Variants in FREM1 observed in about 807,000 individuals in gnomAD.
The protein encoded by FREM1 is FRAS1 related extracellular matrix 1.
A neutral mutation model predicts 210.1 loss-of-function variants in FREM1; 220 were observed. The observed-to-expected ratio is 1.05, with a 90% CI of 0.94 to 1.17. The LOEUF is 1.17. FREM1 is among the 50% of genes most tolerant of loss of function. The pLI is 0.00. For synonymous variants in FREM1, 1,189 were observed against 980.2 expected, an observed-to-expected ratio of 1.21 and a Z score of -3.98; for missense variants, 3,454 against 2,675.5, an observed-to-expected ratio of 1.29 and a Z score of -6.42.
At chr9:14,790,520 T>C (rs997714364) in intron 22 of FREM1, 2 of 152,160 alleles carry the variant, frequency 1.3e-5, no homozygotes, top group Non-Finnish European at 2.9e-5. Context: ...TCTAATCTTG[T>C]CTAAGGAAGT....
chr9:14,792,968 C>G, intron 21 of FREM1, 84 bp from the exon 22 acceptor site: 1 of 807,704 alleles, frequency 1.2e-6, no homozygotes, highest in Non-Finnish European at 1.9e-6. Flanking sequence ...TATCACAGTT[C>G]CCAATCTTCA....
intron 6 of FREM1, among the ~76,000 whole-genome samples, chr9:14,850,899 C>T (rs1827605648): frequency 6.6e-6 from 1 of 152,180 alleles, no homozygotes. Context: ...CGTTTCACTA[C>T]AAGTTTTAAT....
At chr9:14,796,960 T>C (rs1400813611) in intron 21 of FREM1, among the ~76,000 whole-genome samples, 1 of 152,158 alleles carries the variant, frequency 6.6e-6, no homozygotes, top group Non-Finnish European at 1.5e-5. Flanking sequence ...AAAATGATGA[T>C]TTCGATGTGA....
rs141323512 is a variant in FREM1 at position 14,870,248 on chromosome 9, T to C, written c.-267-1004A>G. On this transcript the variant is annotated intron_variant, in intron 1 of 36. Coordinates refer to ENST00000380880, the MANE Select transcript of FREM1 (RefSeq NM_001379081.2). ...GCCTCCATTATCCACATCTAATCTA[T>C]TTCCATTCCCTTGTCACTGTTTGCA... Among the ~76,000 whole-genome samples the C allele has an allele frequency of 1.5e-3, 229 of 152,334 alleles. 1 individual carries two copies. Among genetic ancestry groups the C allele is most frequent in the African/African-American group, 5.2e-3 (215 of 41,592 alleles).
chr9:14,813,184 A>C (rs1164587749), intron 15 of FREM1, 120 bp from the exon 16 acceptor site: 4 of 1,099,506 alleles, frequency 3.6e-6, no homozygotes, highest in Non-Finnish European at 5.1e-6. Flanking sequence ...CACATGAAAC[A>C]ACAGCCGTGA....
chr9:14,831,724 G>A (rs903517163), intron 10 of FREM1, among the ~76,000 whole-genome samples: 2 of 152,184 alleles, frequency 1.3e-5, no homozygotes, highest in Non-Finnish European at 2.9e-5. Flanking sequence ...ATTTTTCTTG[G>A]AATCTATTTT....
intron 16 of FREM1, among the ~76,000 whole-genome samples, chr9:14,811,652 G>T (rs755735926): frequency 6.6e-6 from 1 of 152,154 alleles, no homozygotes; most frequent in Non-Finnish European, 1.5e-5. Flanking sequence ...TGATTAAAAT[G>T]TCCCGAGACA....
chr9:14,840,976 CAG>C (rs1204027473), intron 10 of FREM1, among the ~76,000 whole-genome samples: 1 of 152,174 alleles, frequency 6.6e-6, no homozygotes, highest in Non-Finnish European at 1.5e-5. Flanking sequence ...AAAATGTTCT[CAG>C]TACTTTATAT....
At position 14,882,912 on chromosome 9, in the gene FREM1, CAA is replaced by C. The variant is rs71323913; in HGVS notation, c.-267-13670_-267-13669del. Among the ~76,000 whole-genome samples the C allele has an allele frequency of 3.3e-4, 15 of 45,416 alleles. 1 individual carries two copies. In the Admixed American group the frequency reaches 5.9e-3, roughly 18 times the overall value. 29.8% of individuals were successfully genotyped at this position (45,416 alleles called of 152,430 possible). Reference sequence around the variant, plus strand: ...AGGGCAGCAGAGCGAGACTCCATCTCAAAAAAAAAAAAAAAAGGAATCACCCA... The same window carrying C: ...AGGGCAGCAGAGCGAGACTCCATCTCAAAAAAAAAAAAAAGGAATCACCCA... On this transcript the variant is annotated intron_variant, in intron 1 of 36. Coordinates refer to ENST00000380880, the MANE Select transcript of FREM1 (RefSeq NM_001379081.2).
rs566418930 is a variant in FREM1 at position 14,850,496 on chromosome 9, C to T, written c.1152+788G>A. On this transcript the variant is annotated intron_variant, in intron 6 of 36. Transcript: ENST00000380880. ...AGAGAAGATTAGCATAGCCCCTGCA[C>T]AAGGATGACACACAAATTCGGAAAG... 2.0e-5 allele frequency: 3 copies of T among 152,234 alleles called. No homozygotes were observed. In the East Asian group the frequency reaches 5.8e-4, roughly 29 times the overall value. 9.4% of individuals were successfully genotyped at this position (152,234 alleles called of 1,614,324 possible). A position where few individuals can be genotyped will look rare whatever the true frequency, so the allele number is the denominator to read the frequency against.
intron 3 of FREM1, among the ~76,000 whole-genome samples, chr9:14,860,641 GTATACATATATACACATA>G (rs1194524397): frequency 3.8e-5 from 3 of 78,236 alleles, no homozygotes; most frequent in South Asian, 4.0e-4. Flanking sequence ...ATATACACAT[GTATACATATATACACATA>G]TATACATATA....
chr9:14,823,178 C>T lies in FREM1; in HGVS notation c.2319G>A (p.Val773=), dbSNP rs369251557. Residue 773 remains valine, a synonymous_variant, in exon 13 of 37, where the codon GTG becomes GTA. Transcript: ENST00000380880. The stretch of plus-strand genomic sequence containing the variant: ...TACATACCTCAGGAACTTGATTGTC[C>T]ACTGGGAGGATTGTAATGTTAAAGC... ...GICFNITILP[V]DNQVPEAFTN... 1.2e-6 allele frequency: 2 copies of T among 1,613,536 alleles called. No homozygotes were observed. The highest frequency in any genetic ancestry group is 1.7e-6 in the Non-Finnish European group (2 of 1,179,692).
chr9:14,815,490 A>G, intron 15 of FREM1, among the ~76,000 whole-genome samples: 1 of 152,192 alleles, frequency 6.6e-6, no homozygotes, highest in Non-Finnish European at 1.5e-5. Flanking sequence ...GAACAATGAA[A>G]ATAATTAGTG....
chr9:14,824,895 T>A lies in FREM1; in HGVS notation c.1979A>T (p.Tyr660Phe), dbSNP rs905746165. The A allele has an allele frequency of 6.2e-7, 1 of 1,613,138 alleles. No homozygotes were observed. Among genetic ancestry groups the A allele is most frequent in the South Asian group, 1.1e-5 (1 of 90,850 alleles). The change falls in exon 11 of 37, where the codon TAT becomes TTT. Residue 660 changes from tyrosine to phenylalanine, a missense_variant. Coordinates refer to ENST00000380880, the MANE Select transcript of FREM1 (RefSeq NM_001379081.2). Reference sequence around the variant, plus strand: ...AAAATGTAGCTGTTTCTTAGTTATATAGGCCACCTCAGTTTCCTTGACAAC... The same window carrying A: ...AAAATGTAGCTGTTTCTTAGTTATAAAGGCCACCTCAGTTTCCTTGACAAC... ...HLVVKETEVAYITKKQLHFID... is the reference protein window; with the variant it reads ...HLVVKETEVAFITKKQLHFID...
chr9:14,869,034 G>T lies in FREM1; in HGVS notation c.-57C>A. On this transcript the variant is annotated 5_prime_UTR_variant, in exon 2 of 37. Transcript: ENST00000380880. ...GGCGAAATCCCTTTAACAAAGGAGG[G>T]CTTCTGTGCTTCCTCCTGGAGGGTC... 2 of 1,207,236 alleles carry T rather than the reference G, an allele frequency of 1.7e-6. No individual in the cohort carries two copies. The highest frequency in any genetic ancestry group is 3.0e-5 in the South Asian group (2 of 67,640). The allele number at this position is 1,207,236 out of a possible 1,614,324, so 74.8% of individuals were successfully genotyped here.
At chr9:14,859,021 C>A (rs139935322) in intron 4 of FREM1, among the ~76,000 whole-genome samples, 162 bp downstream of exon 4, 2 of 152,286 alleles carry the variant, frequency 1.3e-5, no homozygotes, top group South Asian at 2.1e-4. Context: ...AAAACCAGGT[C>A]TTTCTGATTG....
intron 5 of FREM1, among the ~76,000 whole-genome samples, chr9:14,852,027 C>G (rs889641274): frequency 6.6e-6 from 1 of 152,146 alleles, no homozygotes; most frequent in Admixed American, 6.5e-5. Flanking sequence ...TACTAGACTA[C>G]CAAGAATTAA....
At chr9:14,769,655 C>G (rs1847161839) in intron 27 of FREM1, 69 bp downstream of exon 27, 1 of 1,465,342 alleles carries the variant, frequency 6.8e-7, no homozygotes, top group East Asian at 2.5e-5. Context: ...AAGAACATTT[C>G]ACTTTCCTAA....
intron 17 of FREM1, among the ~76,000 whole-genome samples, chr9:14,807,519 T>C (rs7032005): frequency 0.098 from 14,902 of 152,174 alleles, 2,433 homozygotes; most frequent in African/African-American, 0.34. Flanking sequence ...TGTATATAAA[T>C]GGTCTCTCCG....
Sources: gnomAD v4.1 joint callset for allele counts (sites outside exome capture counted in the v4.1 genomes callset) on GRCh38, gnomAD v4.1.1 for gene constraint, MANE v1.5 for transcripts, NCBI Gene and HGNC (gene_info 2026-07-23, HGNC 2026-07-21) for gene names.